Variants in EFCAB5 observed in about 807,000 individuals in gnomAD.
The protein encoded by EFCAB5 is EF-hand calcium binding domain 5.
Under a neutral mutation model 167.9 loss-of-function variants are expected in EFCAB5, and 131 were observed. The ratio of observed to expected loss-of-function variants is 0.78; its 90% confidence interval spans 0.68 to 0.90. The LOEUF is 0.90. EFCAB5 is among the 40% of genes least tolerant of loss of function. EFCAB5 has a pLI of 0.00. For missense variants in EFCAB5, 1,663 were observed against 1,745.2 expected (o/e 0.95, Z 0.84); for synonymous variants, 574 against 602.8 (o/e 0.95, Z 0.70).
chr17:30,049,983 T>G (rs1274789696), intron 8 of EFCAB5, among the ~76,000 whole-genome samples: 2 of 151,034 alleles, frequency 1.3e-5, no homozygotes, highest in Non-Finnish European at 3.0e-5. Context: ...AATAGAGGAG[T>G]TTTTTTTTAA....
intron 7 of EFCAB5, among the ~76,000 whole-genome samples, chr17:30,005,124 G>A (rs574106188): frequency 6.6e-6 from 1 of 152,280 alleles, no homozygotes; most frequent in South Asian, 2.1e-4. Context: ...GTATATATTT[G>A]TCAAATTGTG....
At chr17:29,973,123 T>G (rs1454114895) in intron 4 of EFCAB5, 5 of 152,716 alleles carry the variant, frequency 3.3e-5, no homozygotes, top group African/African-American at 1.2e-4. Context: ...CAGGACCAAC[T>G]ACTTCTGTCA....
At chr17:29,931,208 A>G (rs1389320509) in intron 1 of EFCAB5, among the ~76,000 whole-genome samples, 1 of 152,208 alleles carries the variant, frequency 6.6e-6, no homozygotes, top group African/African-American at 2.4e-5. Flanking sequence ...GAGCTGGTAA[A>G]TACCACCGTA....
Position 30,090,494 on chromosome 17 carries a change from G to T in EFCAB5, c.3757G>T (p.Val1253Phe), listed in dbSNP as rs774215367. 7 of 1,614,024 alleles carry T rather than the reference G, an allele frequency of 4.3e-6. No individual in the cohort carries two copies. The highest frequency in any genetic ancestry group is 5.9e-6 in the Non-Finnish European group (7 of 1,179,888). The change falls in exon 20 of 23, where the codon GTT becomes TTT. Residue 1253 changes from valine to phenylalanine, a missense_variant. Transcript: ENST00000394835. ...ASACGETHIV[V>F]PLRERTGEAL... ...TGCCTGTGGAGAAACGCATATAGTA[G>T]TTCCACTTCGTGAGAGAACAGGAGA...
rs776685160 is a variant in EFCAB5 at position 30,051,173 on chromosome 17, A to G, written c.1256A>G (p.His419Arg). Residue 419 changes from histidine to arginine, a missense_variant, in exon 9 of 23, where the codon CAT becomes CGT. By Grantham distance (29) the His-to-Arg change is conservative. Coordinates refer to ENST00000394835, the MANE Select transcript of EFCAB5 (RefSeq NM_198529.4). ...GCCCTGCTGGAATTGTTCTATGACC[A>G]TAGTTCACAAATGCTTAGGAGTTTA... ...TLALLELFYDHSSQMLRSLLR... is the reference protein window; with the variant it reads ...TLALLELFYDRSSQMLRSLLR... 2 of 1,614,044 alleles carry G rather than the reference A, an allele frequency of 1.2e-6. No homozygotes were observed. The highest frequency in any genetic ancestry group is 8.5e-7 in the Non-Finnish European group (1 of 1,179,886).
At chr17:30,073,068 T>A (rs1186522870) in intron 14 of EFCAB5, 1 of 639,106 alleles carries the variant, frequency 1.6e-6, no homozygotes, top group Non-Finnish European at 2.8e-6. Context: ...TTTATTTTTT[T>A]TTTTTTGAGA....
At chr17:29,966,867 T>G (rs1302742422) in intron 3 of EFCAB5, among the ~76,000 whole-genome samples, 2 of 152,262 alleles carry the variant, frequency 1.3e-5, no homozygotes, top group South Asian at 2.1e-4. Context: ...CTTCCTTACT[T>G]TCTGGCACTA....
At chr17:30,091,571 T>C (rs1314590015) in intron 20 of EFCAB5, among the ~76,000 whole-genome samples, 1 of 152,188 alleles carries the variant, frequency 6.6e-6, no homozygotes, top group Non-Finnish European at 1.5e-5. Context: ...AAAAGGATAT[T>C]CAGAGAGACA....
At chr17:29,962,547 T>G (rs1481355044) in intron 3 of EFCAB5, among the ~76,000 whole-genome samples, 1 of 151,894 alleles carries the variant, frequency 6.6e-6, no homozygotes, top group African/African-American at 2.4e-5. Context: ...CATAGCTCAC[T>G]GCACCCTTGA....
upstream of EFCAB5, among the ~76,000 whole-genome samples, chr17:29,936,886 C>T (rs2067249958): frequency 6.6e-6 from 1 of 152,212 alleles, no homozygotes; most frequent in Non-Finnish European, 1.5e-5. Context: ...TGATGTAGCC[C>T]TGAGCAAGAC....
chr17:29,941,591 C>T (rs2067298101), upstream of EFCAB5: 2 of 457,310 alleles, frequency 4.4e-6, no homozygotes. Flanking sequence ...TAGCAACAGT[C>T]ATAACAGTAA....
At chr17:30,022,141 C>T (rs2069194727) in intron 7 of EFCAB5, among the ~76,000 whole-genome samples, 2 of 152,272 alleles carry the variant, frequency 1.3e-5, no homozygotes, top group East Asian at 3.9e-4. Flanking sequence ...ACCTCTCTCA[C>T]TTTTCATCTG....
chr17:30,014,797 C>T (rs553710324), intron 7 of EFCAB5, among the ~76,000 whole-genome samples: 1 of 152,278 alleles, frequency 6.6e-6, no homozygotes, highest in South Asian at 2.1e-4. Context: ...AGCCCATTTA[C>T]ATTTAAGGTT....
In EFCAB5 at chr17:30,067,357, C is replaced by G. The variant is rs184954550; in HGVS notation, c.2737+7656C>G. On this transcript the variant is annotated intron_variant, in intron 14 of 22. Transcript: ENST00000394835. The stretch of plus-strand genomic sequence containing the variant: ...AGGCTGGGTGTGGCGGCCTTTACCT[C>G]TAATCCCAGCACTTTGGGGGGCCAG... Among the ~76,000 whole-genome samples the G allele has an allele frequency of 3.7e-3, 564 of 152,222 alleles. 4 individuals are homozygous for G. The highest frequency in any genetic ancestry group is 0.013 in the African/African-American group (525 of 41,556).
intron 14 of EFCAB5, among the ~76,000 whole-genome samples, chr17:30,071,469 G>C (rs2070735544): frequency 6.6e-6 from 1 of 151,272 alleles, no homozygotes; most frequent in African/African-American, 2.4e-5. Flanking sequence ...ACCCTGGCTA[G>C]AATGGCTATT....
chr17:30,087,485 C>G (rs2071112298), intron 19 of EFCAB5, among the ~76,000 whole-genome samples: 1 of 152,072 alleles, frequency 6.6e-6, no homozygotes, highest in Non-Finnish European at 1.5e-5. Flanking sequence ...TGTGCCCTTC[C>G]CTGTGTCCAT....
intron 8 of EFCAB5, among the ~76,000 whole-genome samples, chr17:30,045,056 C>T (rs372171488): frequency 3.9e-5 from 6 of 152,038 alleles, no homozygotes; most frequent in South Asian, 2.1e-4. Flanking sequence ...CCAAAGGATG[C>T]GCCATTATTT....
chr17:30,073,677 C>T (rs2151825134), intron 14 of EFCAB5: 1 of 714,028 alleles, frequency 1.4e-6, no homozygotes, highest in Non-Finnish European at 2.6e-6. Flanking sequence ...CCTCTTGAGA[C>T]CAAATTTCCA....
intron 8 of EFCAB5, among the ~76,000 whole-genome samples, chr17:30,044,500 C>T (rs1041312100): frequency 6.6e-6 from 1 of 151,842 alleles, no homozygotes; most frequent in African/African-American, 2.4e-5. Context: ...CGCTTGAACC[C>T]GGGAGGTGGA....
Sources: gnomAD v4.1 joint callset for allele counts (sites outside exome capture counted in the v4.1 genomes callset) on GRCh38, gnomAD v4.1.1 for gene constraint, MANE v1.5 for transcripts, NCBI Gene and HGNC (gene_info 2026-07-23, HGNC 2026-07-21) for gene names.